SLC7A1: variants seen among roughly 807,000 people sequenced by gnomAD.
SLC7A1 encodes solute carrier family 7 member 1, also known as high affinity cationic amino acid transporter 1.
Under a neutral mutation model 53.9 loss-of-function variants are expected in SLC7A1, and 10 were observed. That is an observed-to-expected ratio of 0.19 (90% CI 0.11 to 0.31). SLC7A1 has a LOEUF of 0.31. Ranked by LOEUF, SLC7A1 falls within the 10% of genes least tolerant of loss-of-function variation. The probability of loss-of-function intolerance (pLI) is 1.00; values close to 1 mark genes in which losing one functional copy is unlikely to be tolerated. For missense variants in SLC7A1, 525 were observed against 827.2 expected, an observed-to-expected ratio of 0.63 and a Z score of 4.48; for synonymous variants, 342 against 338.7, an observed-to-expected ratio of 1.01 and a Z score of -0.11.
At chr13:29,537,600 C>A (rs111583812) in intron 2 of SLC7A1, among the ~76,000 whole-genome samples, 2,614 of 152,214 alleles carry the variant, frequency 0.017, 70 homozygotes, top group African/African-American at 0.059. Flanking sequence ...ATGTACCCAC[C>A]AAAGTAAGAT....
intron 11 of SLC7A1, 113 bp from the exon 12 acceptor site, chr13:29,516,359 G>T: frequency 1.4e-6 from 1 of 693,504 alleles, no homozygotes; most frequent in Non-Finnish European, 2.5e-6. Flanking sequence ...CGTCGGGCGA[G>T]TGTGGGGAAG....
intron 1 of SLC7A1, among the ~76,000 whole-genome samples, chr13:29,585,651 C>T (rs1186841556): frequency 6.6e-6 from 1 of 152,134 alleles, no homozygotes; most frequent in Non-Finnish European, 1.5e-5. Flanking sequence ...CAGAGAAAGG[C>T]TTTCCCAGCA....
chr13:29,529,575 A>C (rs922875524), intron 5 of SLC7A1, among the ~76,000 whole-genome samples: 1 of 152,180 alleles, frequency 6.6e-6, no homozygotes. Context: ...AGATGAGGAC[A>C]ATGTCCTGGG....
At chr13:29,549,837 G>GT (rs948016083) in intron 2 of SLC7A1, among the ~76,000 whole-genome samples, 1 of 152,042 alleles carries the variant, frequency 6.6e-6, no homozygotes, top group African/African-American at 2.4e-5. Context: ...GTTAATTTTT[G>GT]TATTTTTTTA....
Position 29,564,768 on chromosome 13 carries a change from T to C in SLC7A1, c.-114-10908A>G, listed in dbSNP as rs546064216. Among the ~76,000 whole-genome samples the C allele has an allele frequency of 3.9e-5, 6 of 152,284 alleles. No homozygotes were observed. In the South Asian group the frequency reaches 1.2e-3, roughly 32 times the overall value. On this transcript the variant is annotated intron_variant, in intron 1 of 12. Transcript: ENST00000380752. ...AATCTCAATATCCTGCCTTCTCCAA[T>C]GCAGAAAATACTGCTACATTCACAG...
intron 4 of SLC7A1, 143 bp from the exon 5 acceptor site, chr13:29,530,855 G>A (rs1252140184): frequency 4.4e-5 from 28 of 632,292 alleles, no homozygotes; most frequent in Non-Finnish European, 7.3e-5. Flanking sequence ...CTCTGGGAAT[G>A]GGGTGGATTA....
chr13:29,588,175 T>C (rs1871965862), intron 1 of SLC7A1, among the ~76,000 whole-genome samples: 1 of 152,186 alleles, frequency 6.6e-6, no homozygotes, highest in South Asian at 2.1e-4. Flanking sequence ...AAGGACATTA[T>C]GTGGACGACT....
At chr13:29,588,874 G>C (rs985346646) in intron 1 of SLC7A1, among the ~76,000 whole-genome samples, 2 of 152,150 alleles carry the variant, frequency 1.3e-5, no homozygotes. Context: ...AAAAGGAGAA[G>C]GGCAAAAGGG....
intron 1 of SLC7A1, among the ~76,000 whole-genome samples, chr13:29,557,700 G>T (rs1566268040): frequency 1.5e-5 from 2 of 132,632 alleles, no homozygotes; most frequent in Non-Finnish European, 3.2e-5. Flanking sequence ...GAGTGGGGGG[G>T]AGTGAATGTG....
chr13:29,528,323 G>T (rs1013233339), intron 5 of SLC7A1, among the ~76,000 whole-genome samples: 1 of 152,254 alleles, frequency 6.6e-6, no homozygotes, highest in African/African-American at 2.4e-5. Context: ...CAGAACACTG[G>T]ATGGGAATGC....
rs776834025 is a variant in SLC7A1 at position 29,517,340 on chromosome 13, C to A, written c.1511-30G>T. ...GGGGGAAGGAAAAGACAGCAAGCTGCAACTCAACCATTTCCCAATTTCCCA... is the reference window on the plus strand; with the variant it reads ...GGGGGAAGGAAAAGACAGCAAGCTGAAACTCAACCATTTCCCAATTTCCCA... On this transcript the variant is annotated intron_variant, in intron 10 of 12. Transcript: ENST00000380752. 4.4e-6 allele frequency: 7 copies of A among 1,583,490 alleles called. No homozygotes were observed. In the East Asian group the frequency reaches 1.6e-4, roughly 36 times the overall value.
chr13:29,566,028 C>A (rs1249030774), intron 1 of SLC7A1, among the ~76,000 whole-genome samples: 1 of 152,168 alleles, frequency 6.6e-6, no homozygotes, highest in African/African-American at 2.4e-5. Context: ...CTTTCTGGGG[C>A]CTAAGAGATG....
chr13:29,536,658 T>C (rs1380297097), intron 2 of SLC7A1, among the ~76,000 whole-genome samples: 2 of 152,238 alleles, frequency 1.3e-5, no homozygotes, highest in Admixed American at 6.5e-5. Flanking sequence ...TATTAAATTA[T>C]TAAAACTCAG....
At chr13:29,534,286 G>A (rs770762627) in intron 3 of SLC7A1, among the ~76,000 whole-genome samples, 3 of 152,178 alleles carry the variant, frequency 2.0e-5, no homozygotes, top group East Asian at 1.9e-4. Flanking sequence ...ACAAGCAAAC[G>A]GCACTCTCGC....
chr13:29,548,255 A>G (rs1370359754), intron 2 of SLC7A1, among the ~76,000 whole-genome samples: 3 of 152,248 alleles, frequency 2.0e-5, no homozygotes, highest in Non-Finnish European at 4.4e-5. Context: ...TTCACAGGCT[A>G]TTCAAAAGCT....
intron 1 of SLC7A1, among the ~76,000 whole-genome samples, chr13:29,580,994 A>G (rs1040007630): frequency 6.6e-6 from 1 of 152,190 alleles, no homozygotes; most frequent in African/African-American, 2.4e-5. Context: ...CTTGGCTCAC[A>G]TTTTACAGAA....
chr13:29,585,428 C>T (rs1035864830), intron 1 of SLC7A1, among the ~76,000 whole-genome samples: 7 of 152,114 alleles, frequency 4.6e-5, no homozygotes, highest in African/African-American at 7.2e-5. Flanking sequence ...ATTATCTCAG[C>T]GTATCACAGA....
intron 2 of SLC7A1, among the ~76,000 whole-genome samples, chr13:29,549,442 T>G (rs1292411407): frequency 6.6e-6 from 1 of 152,138 alleles, no homozygotes; most frequent in Admixed American, 6.5e-5. Flanking sequence ...CCACCTGCAT[T>G]GCTTTCATCG....
At chr13:29,529,969 A>T (rs941549567) in intron 5 of SLC7A1, among the ~76,000 whole-genome samples, 3 of 152,208 alleles carry the variant, frequency 2.0e-5, no homozygotes, top group Non-Finnish European at 2.9e-5. Flanking sequence ...TGTCAGAGAC[A>T]TGAGGGTGAT....
Sources: gnomAD v4.1 joint callset for allele counts (sites outside exome capture counted in the v4.1 genomes callset) on GRCh38, gnomAD v4.1.1 for gene constraint, MANE v1.5 for transcripts, NCBI Gene and HGNC (gene_info 2026-07-23, HGNC 2026-07-21) for gene names.